The following CNTLN variants were observed in gnomAD, a reference collection of about 807,000 sequenced individuals.
The protein encoded by CNTLN is centlein, centrosomal protein.
Under a neutral mutation model 180.0 loss-of-function variants are expected in CNTLN, and 212 were observed. The ratio of observed to expected loss-of-function variants is 1.18; its 90% CI spans 1.05 to 1.32. The LOEUF is 1.32. CNTLN is among the 40% of genes most tolerant of loss of function. The probability of loss-of-function intolerance (pLI) is 0.00; values close to 1 mark genes in which losing one functional copy is unlikely to be tolerated. For synonymous variants in CNTLN, 722 were observed against 563.1 expected, an observed-to-expected ratio of 1.28 and a Z score of -3.99; for missense variants, 2,095 against 1,610.9, an observed-to-expected ratio of 1.30 and a Z score of -5.14.
rs116291418 is a variant in CNTLN at position 17,164,041 on chromosome 9, G to A, written c.449+20665G>A. ...CTGAAAAAAAAAATGGCCAGAAGCA[G>A]TGGCTCACCCCTGTAATCCCAGAAC... On this transcript the variant is annotated intron_variant, in intron 2 of 25. Coordinates refer to ENST00000380647, the MANE Select transcript of CNTLN (RefSeq NM_017738.4). Among the ~76,000 whole-genome samples, 542 of 151,306 alleles carry A rather than the reference G, an allele frequency of 3.6e-3. 5 individuals carry two copies. The highest frequency in any genetic ancestry group is 0.011 in the African/African-American group (457 of 41,186).
chr9:17,245,870 G>C (rs1190959273), intron 5 of CNTLN, among the ~76,000 whole-genome samples: 1 of 151,780 alleles, frequency 6.6e-6, no homozygotes, highest in African/African-American at 2.4e-5. Flanking sequence ...TTCAGTTCCA[G>C]AATTTCTGCT....
intron 23 of CNTLN, among the ~76,000 whole-genome samples, chr9:17,467,382 T>A (rs1429257093): frequency 6.6e-6 from 1 of 151,448 alleles, no homozygotes; most frequent in African/African-American, 2.4e-5. Flanking sequence ...CATCTAGAAA[T>A]TATCTAAAAG....
intron 8 of CNTLN, among the ~76,000 whole-genome samples, chr9:17,320,023 G>A (rs558004534): frequency 5.6e-4 from 85 of 152,298 alleles, no homozygotes; most frequent in African/African-American, 1.9e-3. Flanking sequence ...TTTTCATGCA[G>A]AAATAATGTT....
the CNTLN span, among the ~76,000 whole-genome samples, chr9:17,513,719 T>G: frequency 6.7e-6 from 1 of 149,864 alleles, no homozygotes; most frequent in African/African-American, 2.5e-5. Flanking sequence ...AACAAATAAA[T>G]AAGAAATAAA....
chr9:17,327,340 G>A (rs1422089212), intron 8 of CNTLN, among the ~76,000 whole-genome samples: 2 of 149,250 alleles, frequency 1.3e-5, no homozygotes, highest in Non-Finnish European at 3.0e-5. Flanking sequence ...AGCCTCCCGA[G>A]TAGCTGGGAC....
chr9:17,216,402 TG>T (rs1823756894), intron 2 of CNTLN, among the ~76,000 whole-genome samples: 2 of 152,174 alleles, frequency 1.3e-5, no homozygotes, highest in Admixed American at 1.3e-4. Context: ...TCCTCCTGTT[TG>T]GTAATGAAAA....
At chr9:17,429,757 A>G (rs1829306990) in intron 18 of CNTLN, among the ~76,000 whole-genome samples, 1 of 151,932 alleles carries the variant, frequency 6.6e-6, no homozygotes, top group South Asian at 2.1e-4. Flanking sequence ...TCTCTCTCTA[A>G]TCATCCTGCA....
chr9:17,526,660 C>A, the CNTLN span, among the ~76,000 whole-genome samples: 2 of 152,192 alleles, frequency 1.3e-5, no homozygotes, highest in African/African-American at 4.8e-5. Flanking sequence ...CCTATTGCTT[C>A]TTTCACTCTT....
chr9:17,173,748 ATAG>A (rs1333492601), intron 2 of CNTLN, among the ~76,000 whole-genome samples: 2 of 152,334 alleles, frequency 1.3e-5, no homozygotes, highest in East Asian at 3.9e-4. Context: ...TTTTAAGGAA[ATAG>A]TAGGTAGCCA....
chr9:17,302,103 C>CAT, intron 7 of CNTLN: 2 of 820,596 alleles, frequency 2.4e-6, no homozygotes, highest in Non-Finnish European at 2.8e-6. Context: ...CACACACACA[C>CAT]ACACACACAC....
intron 18 of CNTLN, among the ~76,000 whole-genome samples, chr9:17,441,815 G>A (rs997956011): frequency 6.6e-6 from 1 of 152,090 alleles, no homozygotes; most frequent in Non-Finnish European, 1.5e-5. Context: ...ACTCACTTTA[G>A]TTTTAACGAC....
chr9:17,490,407 A>G (rs1833098168), intron 25 of CNTLN, among the ~76,000 whole-genome samples: 1 of 152,110 alleles, frequency 6.6e-6, no homozygotes, highest in African/African-American at 2.4e-5. Context: ...ACATGAGGAG[A>G]GAAAGATAAT....
At chr9:17,232,423 A>C (rs958753605) in intron 3 of CNTLN, among the ~76,000 whole-genome samples, 1 of 151,986 alleles carries the variant, frequency 6.6e-6, no homozygotes, top group East Asian at 1.9e-4. Context: ...GCCAAAATCT[A>C]AATTATTAAA....
At position 17,258,393 on chromosome 9, in the gene CNTLN, G is replaced by GT. The variant is rs1038941141; in HGVS notation, c.850-15337dup. Among the ~76,000 whole-genome samples the GT allele has an allele frequency of 1.1e-4, 16 of 151,208 alleles. 1 individual carries two copies. The highest frequency in any genetic ancestry group is 3.9e-4 in the African/African-American group (16 of 40,658). On this transcript the variant is annotated intron_variant, in intron 5 of 25. Transcript: ENST00000380647. The stretch of plus-strand genomic sequence containing the variant: ...TTGGTTACTGTAGCCTTGTAGTATA[G>GT]TTTGAAGTCAGGTATCATGATGCCT...
chr9:17,446,684 C>G (rs545500750), intron 18 of CNTLN, among the ~76,000 whole-genome samples: 100 of 152,208 alleles, frequency 6.6e-4, no homozygotes, highest in African/African-American at 2.2e-3. Context: ...TGATGCCTCT[C>G]TTTTGAAGCT....
At chr9:17,224,370 A>T (rs1378795328) in intron 2 of CNTLN, among the ~76,000 whole-genome samples, 2 of 152,010 alleles carry the variant, frequency 1.3e-5, no homozygotes, top group African/African-American at 4.8e-5. Flanking sequence ...ACTTTTATTT[A>T]TTCTGGTAGG....
intron 2 of CNTLN, among the ~76,000 whole-genome samples, chr9:17,202,459 G>A (rs1182144096): frequency 6.6e-6 from 1 of 152,088 alleles, no homozygotes; most frequent in African/African-American, 2.4e-5. Context: ...GGGAGTCTAA[G>A]TCTCTTTGTA....
At chr9:17,369,005 A>G (rs917525268) in intron 13 of CNTLN, among the ~76,000 whole-genome samples, 6 of 152,238 alleles carry the variant, frequency 3.9e-5, no homozygotes, top group Non-Finnish European at 8.8e-5. Context: ...ATAAGGATCA[A>G]GACTATCCAA....
intron 2 of CNTLN, among the ~76,000 whole-genome samples, chr9:17,196,898 A>G (rs965117952): frequency 3.3e-5 from 5 of 152,106 alleles, no homozygotes; most frequent in African/African-American, 4.8e-5. Flanking sequence ...AAAGTGTACA[A>G]TAAATTATTG....
Sources: gnomAD v4.1 joint callset for allele counts (sites outside exome capture counted in the v4.1 genomes callset) on GRCh38, gnomAD v4.1.1 for gene constraint, MANE v1.5 for transcripts, NCBI Gene and HGNC (gene_info 2026-07-23, HGNC 2026-07-21) for gene names.